MADD: variants seen among roughly 807,000 people sequenced by gnomAD.
MADD encodes the protein MAP kinase activating death domain, also known as MAP kinase-activating death domain protein.
Under a neutral mutation model 176.7 loss-of-function variants are expected in MADD, and 109 were observed. The ratio of observed to expected loss-of-function variants is 0.62; its 90% confidence interval spans 0.53 to 0.72. The LOEUF (loss-of-function observed/expected upper bound fraction) is 0.72, where lower values mean the gene tolerates loss of function less well. Among genes scored for constraint, MADD ranks in the 30% least tolerant of loss-of-function variants. The pLI is 0.00. For missense variants in MADD, 1,914 were observed against 2,045.5 expected (o/e 0.94, Z 1.24); for synonymous variants, 771 against 771.3 (o/e 1.00, Z 0.01).
At chr11:47,288,042 C>T (rs2062066419) in intron 15 of MADD, among the ~76,000 whole-genome samples, 1 of 152,106 alleles carries the variant, frequency 6.6e-6, no homozygotes, top group South Asian at 2.1e-4. Flanking sequence ...CCGCCTTGGC[C>T]TCCCAAAGGG....
intron 12 of MADD, among the ~76,000 whole-genome samples, 157 bp from the exon 13 acceptor site, chr11:47,284,784 A>G (rs1377704099): frequency 6.6e-6 from 1 of 152,022 alleles, no homozygotes; most frequent in African/African-American, 2.4e-5. Flanking sequence ...CCCCTTATAT[A>G]GTTTGTGGGG....
intron 31 of MADD, chr11:47,327,125 A>T: frequency 9.3e-7 from 1 of 1,080,966 alleles, no homozygotes; most frequent in Non-Finnish European, 1.1e-6. Context: ...GGGACACAGC[A>T]GACTGGCGAC....
exon 33 of MADD, chr11:47,329,467 T>C: frequency 3.0e-6 from 1 of 333,584 alleles, no homozygotes; most frequent in Non-Finnish European, 5.7e-6. Flanking sequence ...CTTGTCCTTG[T>C]CCCTGGCGTT....
At chr11:47,306,117 T>C (rs1776951632) in intron 22 of MADD, among the ~76,000 whole-genome samples, 1 of 152,116 alleles carries the variant, frequency 6.6e-6, no homozygotes, top group Admixed American at 6.5e-5. Flanking sequence ...GAGGCCTGAC[T>C]GCTCTGAGCA....
intron 16 of MADD, 86 bp downstream of exon 17, chr11:47,289,579 G>T: frequency 8.9e-7 from 1 of 1,124,300 alleles, no homozygotes; most frequent in Non-Finnish European, 1.4e-6. Context: ...TCAAGAGTGG[G>T]AGAGAAGCTC....
At chr11:47,323,584 C>A in intron 27 of MADD, 87 bp from the exon 31 acceptor site, 1 of 1,450,840 alleles carries the variant, frequency 6.9e-7, no homozygotes, top group Non-Finnish European at 9.5e-7. Context: ...ATGGGGATGC[C>A]CCAGGACCAC....
exon 3 of MADD, chr11:47,275,050 C>T: frequency 1.9e-6 from 3 of 1,614,264 alleles, no homozygotes; most frequent in Non-Finnish European, 2.5e-6. Context: ...CAGCCACTAC[C>T]CTTTCTTCTC....
chr11:47,297,789 C>CTTTTTTTTTT (rs35063043), intron 22 of MADD, among the ~76,000 whole-genome samples: 2 of 113,384 alleles, frequency 1.8e-5, no homozygotes, highest in East Asian at 2.5e-4. Flanking sequence ...TTCTTTCTTT[C>CTTTTTTTTTT]TTTTTTTTTT....
intron 27 of MADD, among the ~76,000 whole-genome samples, chr11:47,319,257 G>A (rs1038509367): frequency 6.6e-6 from 1 of 150,716 alleles, no homozygotes; most frequent in East Asian, 2.0e-4. Flanking sequence ...TCAGACTCCC[G>A]AGTAGCTGGG....
chr11:47,312,822 A>G (rs998011952), intron 26 of MADD, among the ~76,000 whole-genome samples: 3 of 152,208 alleles, frequency 2.0e-5, no homozygotes, highest in African/African-American at 7.2e-5. Flanking sequence ...TAGATTGATT[A>G]ATTATAAATG....
At chr11:47,275,326 C>T (rs1006344415) in intron 3 of MADD, among the ~76,000 whole-genome samples, 167 bp downstream of exon 3, 3 of 152,208 alleles carry the variant, frequency 2.0e-5, no homozygotes, top group African/African-American at 7.2e-5. Flanking sequence ...CAGTCTCGCT[C>T]TGTTGCCCAG....
chr11:47,306,437 T>C (rs981179937), intron 22 of MADD, among the ~76,000 whole-genome samples: 1 of 152,174 alleles, frequency 6.6e-6, no homozygotes, highest in African/African-American at 2.4e-5. Context: ...TAGTATTGGC[T>C]CCTTCTCTGG....
chr11:47,304,853 C>CA (rs1565470562), intron 22 of MADD, among the ~76,000 whole-genome samples: 1 of 152,080 alleles, frequency 6.6e-6, no homozygotes, highest in Non-Finnish European at 1.5e-5. Context: ...CCACATCTGG[C>CA]AGAACAGTCA....
intron 27 of MADD, among the ~76,000 whole-genome samples, chr11:47,315,862 C>T (rs1260654984): frequency 2.1e-5 from 3 of 141,256 alleles, no homozygotes; most frequent in African/African-American, 5.3e-5. Context: ...GACAGAGTAT[C>T]GCTCTGTCAC....
intron 7 of MADD, among the ~76,000 whole-genome samples, 192 bp downstream of exon 7, chr11:47,279,271 A>G (rs912510122): frequency 1.3e-5 from 2 of 151,802 alleles, no homozygotes; most frequent in African/African-American, 2.4e-5. Context: ...ATTCCAATTC[A>G]TTGTATGCTT....
At chr11:47,320,299 A>G (rs991564615) in intron 27 of MADD, among the ~76,000 whole-genome samples, 4 of 151,844 alleles carry the variant, frequency 2.6e-5, no homozygotes, top group Non-Finnish European at 5.9e-5. Context: ...TACTAAAAAT[A>G]CAAAAAATTA....
At chr11:47,329,440 C>T (rs777792716) in exon 33 of MADD, 10 of 414,222 alleles carry the variant, frequency 2.4e-5, no homozygotes, top group Non-Finnish European at 4.5e-5. Flanking sequence ...GTCCTTGAGA[C>T]ATTTGTGTTG....
At chr11:47,279,434 G>T (rs1043199144) in intron 7 of MADD, among the ~76,000 whole-genome samples, 6 of 146,604 alleles carry the variant, frequency 4.1e-5, no homozygotes, top group Non-Finnish European at 7.4e-5. Flanking sequence ...CCCTAGGCTG[G>T]AGTGCAGTGG....
At chr11:47,318,846 T>TCACA (rs2093791731) in intron 27 of MADD, among the ~76,000 whole-genome samples, 1 of 131,650 alleles carries the variant, frequency 7.6e-6, no homozygotes, top group Non-Finnish European at 1.5e-5. Context: ...CTCACTCTGT[T>TCACA]GCCCAGGCTG....
Sources: gnomAD v4.1 joint callset for allele counts (sites outside exome capture counted in the v4.1 genomes callset) on GRCh38, gnomAD v4.1.1 for gene constraint, MANE v1.5 for transcripts, NCBI Gene and HGNC (gene_info 2026-07-23, HGNC 2026-07-21) for gene names.